The following ATP10B variants were observed in gnomAD, a reference collection of about 807,000 sequenced individuals.
The protein encoded by ATP10B is ATPase phospholipid transporting 10B (putative), also known as phospholipid-transporting ATPase VB.
In ATP10B, 122 loss-of-function variants were observed where a neutral mutation model predicts 141.2. The observed-to-expected ratio is 0.86, with a 90% CI of 0.75 to 1.00. ATP10B has a LOEUF of 1.00. Ranked by LOEUF, ATP10B falls within the 50% of genes least tolerant of loss-of-function variation. ATP10B has a pLI of 0.00. For synonymous variants in ATP10B, 685 were observed against 692.0 expected (o/e 0.99, Z 0.16); for missense variants, 1,876 against 1,825.3 (o/e 1.03, Z -0.51).
upstream of ATP10B, among the ~76,000 whole-genome samples, chr5:160,856,901 G>C: frequency 6.6e-6 from 1 of 151,606 alleles, no homozygotes; most frequent in East Asian, 1.9e-4. Flanking sequence ...ACCTAGCTTT[G>C]CATACCTGAA....
At chr5:160,618,603 G>T (rs1158698454) in intron 15 of ATP10B, among the ~76,000 whole-genome samples, 1 of 152,198 alleles carries the variant, frequency 6.6e-6, no homozygotes, top group Non-Finnish European at 1.5e-5. Flanking sequence ...AATGTAGTAT[G>T]AAAAATATGT....
intron 1 of ATP10B, among the ~76,000 whole-genome samples, chr5:160,835,213 TAGAG>T (rs1468101270): frequency 1.3e-5 from 2 of 152,048 alleles, no homozygotes; most frequent in African/African-American, 2.4e-5. Flanking sequence ...TAACTCGAGA[TAGAG>T]AGACAAAGCA....
chr5:160,690,535 A>C (rs2127749953), intron 3 of ATP10B, among the ~76,000 whole-genome samples: 1 of 152,352 alleles, frequency 6.6e-6, no homozygotes, highest in East Asian at 1.9e-4. Flanking sequence ...CCCATCAAAA[A>C]GTGGGCAAAG....
the ATP10B span, among the ~76,000 whole-genome samples, chr5:160,877,199 C>T: frequency 1.2e-4 from 19 of 152,004 alleles, no homozygotes; most frequent in African/African-American, 4.6e-4. Flanking sequence ...ATCAAGTGGG[C>T]TTCATCCCTA....
chr5:160,761,906 AC>A (rs1208062309), intron 2 of ATP10B, among the ~76,000 whole-genome samples: 2 of 152,230 alleles, frequency 1.3e-5, no homozygotes, highest in African/African-American at 4.8e-5. Context: ...TCTGGAAATA[AC>A]AGGTACACTT....
chr5:160,912,404 C>A, the ATP10B span, among the ~76,000 whole-genome samples: 1 of 125,796 alleles, frequency 7.9e-6, no homozygotes, highest in East Asian at 2.7e-4. Context: ...TCGTGAAACC[C>A]TGTTTCTACC....
At chr5:160,918,752 A>G in the ATP10B span, among the ~76,000 whole-genome samples, 2 of 152,142 alleles carry the variant, frequency 1.3e-5, no homozygotes, top group African/African-American at 4.8e-5. Context: ...CAGCCAAGGG[A>G]AATTTATGGA....
At chr5:160,898,353 T>TC in the ATP10B span, among the ~76,000 whole-genome samples, 1 of 152,124 alleles carries the variant, frequency 6.6e-6, no homozygotes, top group African/African-American at 2.4e-5. Context: ...CAGACACTTC[T>TC]CAAAAGATGA....
intron 2 of ATP10B, among the ~76,000 whole-genome samples, chr5:160,760,105 A>G (rs1768922964): frequency 6.6e-6 from 1 of 152,198 alleles, no homozygotes; most frequent in Non-Finnish European, 1.5e-5. Flanking sequence ...CCAAATCTGA[A>G]CATCAAGAGA....
At chr5:160,906,069 CT>C in the ATP10B span, among the ~76,000 whole-genome samples, 3 of 152,136 alleles carry the variant, frequency 2.0e-5, no homozygotes, top group Non-Finnish European at 4.4e-5. Context: ...AAGAAGTTAC[CT>C]GACTTTTAGA....
In ATP10B at chr5:160,785,369, C is replaced by G. The variant is rs538408891; in HGVS notation, c.-331+190G>C. Among the ~76,000 whole-genome samples, 13 of 152,110 alleles carry G rather than the reference C, an allele frequency of 8.5e-5. No homozygotes were observed. In the South Asian group the frequency reaches 2.1e-3, roughly 24 times the overall value. ...ACCATTTACTTGGCATCTGACATACCAGATCAGCTGACGTTTATTTTACTG... is the reference window on the plus strand; with the variant it reads ...ACCATTTACTTGGCATCTGACATACGAGATCAGCTGACGTTTATTTTACTG... On this transcript the variant is annotated intron_variant, in intron 2 of 25. Coordinates refer to ENST00000327245, the MANE Select transcript of ATP10B (RefSeq NM_025153.3).
At chr5:160,628,967 G>T (rs987775280) in intron 13 of ATP10B, among the ~76,000 whole-genome samples, 1 of 151,862 alleles carries the variant, frequency 6.6e-6, no homozygotes, top group African/African-American at 2.4e-5. Flanking sequence ...AGCTTTTGTT[G>T]TTGCTGTTTT....
chr5:160,771,626 C>G (rs575411446), intron 2 of ATP10B, among the ~76,000 whole-genome samples: 19 of 152,204 alleles, frequency 1.2e-4, no homozygotes, highest in Admixed American at 2.6e-4. Flanking sequence ...TATTCATAAT[C>G]TCACATAGTC....
At chr5:160,878,370 A>G in the ATP10B span, among the ~76,000 whole-genome samples, 9 of 151,934 alleles carry the variant, frequency 5.9e-5, no homozygotes, top group East Asian at 1.5e-3. Flanking sequence ...TACACCTTAT[A>G]CAAAAATCAA....
At chr5:160,742,051 A>T (rs1174416116) in intron 2 of ATP10B, among the ~76,000 whole-genome samples, 1 of 152,230 alleles carries the variant, frequency 6.6e-6, no homozygotes, top group Non-Finnish European at 1.5e-5. Flanking sequence ...TCACTCTCAG[A>T]TCTATAATGA....
At chr5:160,828,540 TA>T (rs1774809769) in intron 1 of ATP10B, among the ~76,000 whole-genome samples, 2 of 151,690 alleles carry the variant, frequency 1.3e-5, no homozygotes, top group African/African-American at 2.4e-5. Context: ...TGGCAATCAT[TA>T]AAAAGTCAGG....
the ATP10B span, among the ~76,000 whole-genome samples, chr5:160,879,196 C>G: frequency 1.1e-3 from 55 of 52,240 alleles, no homozygotes; most frequent in Admixed American, 6.2e-3. Flanking sequence ...CCATGGAATA[C>G]TATGCAGCCA....
intron 2 of ATP10B, among the ~76,000 whole-genome samples, chr5:160,729,673 T>C (rs1380503389): frequency 6.6e-6 from 1 of 151,958 alleles, no homozygotes; most frequent in Non-Finnish European, 1.5e-5. Flanking sequence ...TTTCAATAGG[T>C]AGAGATAGGT....
chr5:160,574,084 T>A (rs1255837697), intron 24 of ATP10B, among the ~76,000 whole-genome samples: 1 of 152,220 alleles, frequency 6.6e-6, no homozygotes. Flanking sequence ...TTGGTTATGC[T>A]TTAACATCTT....
Sources: allele counts gnomAD v4.1 joint callset (sites outside exome capture counted in the v4.1 genomes callset), GRCh38; gene constraint gnomAD v4.1.1; transcripts MANE v1.5; gene names NCBI Gene and HGNC (gene_info 2026-07-23, HGNC 2026-07-21).